The following ABHD12 variants were observed in gnomAD, a reference collection of about 807,000 sequenced individuals.
ABHD12 encodes abhydrolase domain containing 12, lysophospholipase.
ABHD12 carries 43 observed loss-of-function variants against 58.3 expected under a neutral mutation model. The ratio of observed to expected loss-of-function variants is 0.74; its 90% CI spans 0.58 to 0.95. The LOEUF (loss-of-function observed/expected upper bound fraction) is 0.95. Among genes scored for constraint, ABHD12 ranks in the 40% least tolerant of loss-of-function variants. The pLI, the probability that ABHD12 is intolerant of heterozygous loss-of-function variation, is 0.00. For missense variants in ABHD12, 539 were observed against 537.2 expected, an observed-to-expected ratio of 1.00 and a Z score of -0.03; for synonymous variants, 219 against 211.2, an observed-to-expected ratio of 1.04 and a Z score of -0.32.
intron 1 of ABHD12, among the ~76,000 whole-genome samples, chr20:25,365,598 T>C (rs1374367089): frequency 6.6e-6 from 1 of 152,268 alleles, no homozygotes; most frequent in African/African-American, 2.4e-5. Context: ...TGGAAATTAC[T>C]GGATCAAAGA....
chr20:25,319,416 CAGAG>C (rs2145968170), intron 4 of ABHD12, among the ~76,000 whole-genome samples: 1 of 152,324 alleles, frequency 6.6e-6, no homozygotes, highest in Non-Finnish European at 1.5e-5. Context: ...TTAGGGTGAG[CAGAG>C]AGCTCACACT....
In ABHD12 at chr20:25,300,440, A is replaced by G. The variant is rs1300326404; in HGVS notation, c.*405T>C. 2 of 1,184,052 alleles carry G rather than the reference A, an allele frequency of 1.7e-6. No homozygotes were observed. Among genetic ancestry groups the G allele is most frequent in the Non-Finnish European group, 2.1e-6 (2 of 942,870 alleles). The allele number at this position is 1,184,052 out of a possible 1,614,324, so 73.3% of individuals were successfully genotyped here. ...GCATGTGCTGGGAAGGTGCAGAAAG[A>G]ACCTGGACCCCACGTTCTCTGTGGG... On this transcript the variant is annotated 3_prime_UTR_variant, in exon 13 of 13. Coordinates refer to ENST00000339157, the MANE Select transcript of ABHD12 (RefSeq NM_001042472.3).
chr20:25,347,044 A>T (rs1043315590), intron 1 of ABHD12, among the ~76,000 whole-genome samples: 6 of 152,208 alleles, frequency 3.9e-5, no homozygotes, highest in African/African-American at 1.4e-4. Context: ...AGGATGAGAG[A>T]TGAGGGTGGT....
rs1491359839 is a variant in ABHD12, at chr20:25,322,382, T to TATATATATATATATATATATATATA, written c.422+942_422+943insTATATATATATATATATATATATAT. Among the ~76,000 whole-genome samples, 5 of 38,272 alleles carry TATATATATATATATATATATATATA rather than the reference T, an allele frequency of 1.3e-4. 1 individual carries two copies. Among genetic ancestry groups the TATATATATATATATATATATATATA allele is most frequent in the Non-Finnish European group, 2.0e-4 (4 of 19,752 alleles). 25.1% of individuals were successfully genotyped at this position (38,272 alleles called of 152,430 possible). A position where few individuals can be genotyped will look rare whatever the true frequency, so the allele number is the denominator to read the frequency against. Reference sequence around the variant, plus strand: ...GAAAAGATATATATATATATATATATTTTTTTTTTTTTTTGAGACAAGAGT... The same window carrying TATATATATATATATATATATATATA: ...GAAAAGATATATATATATATATATATATATATATATATATATATATATATATTTTTTTTTTTTTTGAGACAAGAGT... On this transcript the variant is annotated intron_variant, in intron 3 of 12. Transcript: ENST00000339157.
intron 1 of ABHD12, among the ~76,000 whole-genome samples, chr20:25,340,348 A>T (rs547687032): frequency 6.6e-6 from 1 of 152,382 alleles, no homozygotes; most frequent in East Asian, 1.9e-4. Context: ...TAACATTTTT[A>T]TAAATTTCTT....
chr20:25,326,940 T>C (rs979384860), intron 2 of ABHD12, among the ~76,000 whole-genome samples: 2 of 152,224 alleles, frequency 1.3e-5, no homozygotes, highest in African/African-American at 4.8e-5. Flanking sequence ...CACTGTTCCC[T>C]TAAATGCAGT....
At chr20:25,372,973 C>G (rs1194862734) in intron 1 of ABHD12, among the ~76,000 whole-genome samples, 1 of 152,098 alleles carries the variant, frequency 6.6e-6, no homozygotes, top group Admixed American at 6.6e-5. Flanking sequence ...TTCACTGTAC[C>G]TTTTCTATGT....
In ABHD12 at chr20:25,314,811, C is replaced by T. The variant is rs1217700327; in HGVS notation, c.619+114G>A. On this transcript the variant is annotated intron_variant, in intron 6 of 12. Coordinates refer to ENST00000339157, the MANE Select transcript of ABHD12 (RefSeq NM_001042472.3). ...CAGGACCCAGGACACCATCACAGCA[C>T]AGGCAAAGCAGGCGCTGGCCTTGCT... is the stretch of plus-strand genomic sequence containing the variant. The T allele has an allele frequency of 1.3e-5, 15 of 1,180,442 alleles. No individual in the cohort carries two copies. In the Admixed American group the frequency reaches 2.4e-4, roughly 19 times the overall value. 73.1% of individuals were successfully genotyped at this position (1,180,442 alleles called of 1,614,324 possible).
At chr20:25,363,821 C>T (rs929849530) in intron 1 of ABHD12, among the ~76,000 whole-genome samples, 2 of 151,898 alleles carry the variant, frequency 1.3e-5, no homozygotes, top group Non-Finnish European at 1.5e-5. Flanking sequence ...GTTGAGATTG[C>T]GCCATTGCAC....
rs368751653 is a variant in ABHD12, at chr20:25,339,713, G to A, written c.192-362C>T. On this transcript the variant is annotated intron_variant, in intron 1 of 12. Transcript: ENST00000339157. ...CTGTAACCTCGTATCAGGAAAGAGC[G>A]GCCTCCTCAGGCCTCCCGATCCGTC... is the stretch of plus-strand genomic sequence containing the variant. The A allele has an allele frequency of 7.9e-5, 107 of 1,361,836 alleles. No individual in the cohort carries two copies. In the African/African-American group the frequency reaches 1.2e-3, roughly 16 times the overall value. The allele number at this position is 1,361,836 out of a possible 1,614,324, so 84.4% of individuals were successfully genotyped here. A position where few individuals can be genotyped will look rare whatever the true frequency, so the allele number is the denominator to read the frequency against.
In ABHD12 at chr20:25,317,067, T is replaced by G. The variant is rs1297586821; in HGVS notation, c.554A>C (p.His185Pro). The G allele has an allele frequency of 2.5e-6, 4 of 1,612,576 alleles. No homozygotes were observed. Among genetic ancestry groups the G allele is most frequent in the Non-Finnish European group, 3.4e-6 (4 of 1,179,462 alleles). ...HGNAGTRGGD[H>P]RVELYKVLSS... ...ACTCACCTTGTAAAGCTCCACGCGG[T>G]GGTCGCCTCCTCTGGAGAAGAAAAC... The change falls in exon 5 of 13, where the codon CAC (histidine) becomes CCC (proline). Residue 185 changes from histidine to proline, a missense_variant. Physicochemically the swap from His to Pro is moderately conservative, Grantham distance 77. Coordinates refer to ENST00000339157, the MANE Select transcript of ABHD12 (RefSeq NM_001042472.3).
intron 1 of ABHD12, 37 bp from the exon 2 acceptor site, chr20:25,339,388 T>A: frequency 6.2e-7 from 1 of 1,613,894 alleles, no homozygotes; most frequent in South Asian, 1.1e-5. Context: ...CAGAAGGCAG[T>A]AGGTGCCATT....
downstream of ABHD12, chr20:25,296,801 A>C (rs2088554123): frequency 3.0e-5 from 13 of 439,142 alleles, no homozygotes; most frequent in Non-Finnish European, 5.3e-5. Flanking sequence ...CCAGAGTGGG[A>C]GTCAGGTGGA....
intron 8 of ABHD12, 116 bp downstream of exon 8, chr20:25,308,341 C>T (rs2088784476): frequency 1.0e-5 from 14 of 1,378,342 alleles, no homozygotes; most frequent in Non-Finnish European, 1.3e-5. Flanking sequence ...CCCCGGGCCC[C>T]CCAGAATGTG....
chr20:25,308,354 G>T, intron 8 of ABHD12, 103 bp downstream of exon 8: 1 of 1,445,632 alleles, frequency 6.9e-7, no homozygotes, highest in Non-Finnish European at 9.5e-7. Flanking sequence ...AGAATGTGCA[G>T]CTCATGCTGC....
At chr20:25,386,100 C>CAAA (rs1206189935) in intron 1 of ABHD12, among the ~76,000 whole-genome samples, 8 of 148,976 alleles carry the variant, frequency 5.4e-5, no homozygotes, top group African/African-American at 2.0e-4. Context: ...GACTCCGTCT[C>CAAA]AAAAAAATAA....
intron 2 of ABHD12, among the ~76,000 whole-genome samples, chr20:25,325,006 T>C (rs1007574867): frequency 6.7e-6 from 1 of 148,450 alleles, no homozygotes; most frequent in African/African-American, 2.6e-5. Context: ...GATTTTTTGA[T>C]ACCAGCCTGG....
In ABHD12 at chr20:25,386,737, C is replaced by T. The variant is rs192643718; in HGVS notation, c.191+3776G>A. 3.7e-4 allele frequency among the ~76,000 whole-genome samples: 56 copies of T among 151,914 alleles called. No individual in the cohort carries two copies. In the East Asian group the frequency reaches 9.2e-3, roughly 25 times the overall value. The stretch of plus-strand genomic sequence containing the variant: ...CTCCATTAAAAATACAAAAATTAGC[C>T]GGGCATGGTGGCAGGTGCCTGTAAT... On this transcript the variant is annotated intron_variant, in intron 1 of 12. Coordinates refer to ENST00000339157, the MANE Select transcript of ABHD12 (RefSeq NM_001042472.3).
intron 1 of ABHD12, among the ~76,000 whole-genome samples, chr20:25,365,627 T>C (rs1358086795): frequency 2.0e-5 from 3 of 152,218 alleles, no homozygotes; most frequent in Non-Finnish European, 2.9e-5. Flanking sequence ...ATCTATATTA[T>C]TAAAAGATTA....
Sources: allele counts gnomAD v4.1 joint callset (sites outside exome capture counted in the v4.1 genomes callset), GRCh38; gene constraint gnomAD v4.1.1; transcripts MANE v1.5; gene names NCBI Gene and HGNC (gene_info 2026-07-23, HGNC 2026-07-21).